Variants in SLC36A1 observed in about 807,000 individuals in gnomAD.
SLC36A1 encodes the protein solute carrier family 36 member 1.
A neutral mutation model predicts 47.5 loss-of-function variants in SLC36A1; 30 were observed. The observed-to-expected ratio is 0.63, with a 90% CI of 0.47 to 0.86. SLC36A1 has a LOEUF of 0.86. Ranked by LOEUF, SLC36A1 falls within the 40% of genes least tolerant of loss-of-function variation. The pLI, the probability that SLC36A1 is intolerant of heterozygous loss-of-function variation, is 0.00. For missense variants in SLC36A1, 517 were observed against 606.0 expected, an observed-to-expected ratio of 0.85 and a Z score of 1.54; for synonymous variants, 255 against 249.7, an observed-to-expected ratio of 1.02 and a Z score of -0.20.
At chr5:151,549,149 A>C in the SLC36A1 span, 1 of 675,370 alleles carries the variant, frequency 1.5e-6, no homozygotes, top group Non-Finnish European at 2.5e-6. Flanking sequence ...TAATTTAGGT[A>C]GTCCCAGGGA....
chr5:151,553,339 G>A, the SLC36A1 span: 4 of 1,614,266 alleles, frequency 2.5e-6, no homozygotes, highest in Non-Finnish European at 3.4e-6. Context: ...TCAATGTGTA[G>A]CCGGACACTG....
chr5:151,555,057 G>A, the SLC36A1 span, among the ~76,000 whole-genome samples: 1 of 152,318 alleles, frequency 6.6e-6, no homozygotes, highest in Non-Finnish European at 1.5e-5. Flanking sequence ...ATGTTGATGA[G>A]GGAATGAGTG....
At chr5:151,521,892 G>T in the SLC36A1 span, 1 of 1,613,980 alleles carries the variant, frequency 6.2e-7, no homozygotes, top group African/African-American at 1.3e-5. Flanking sequence ...CTTCTGCCAG[G>T]CTATAGGTCA....
At chr5:151,518,861 C>T in the SLC36A1 span, among the ~76,000 whole-genome samples, 1 of 152,194 alleles carries the variant, frequency 6.6e-6, no homozygotes, top group Non-Finnish European at 1.5e-5. Flanking sequence ...TATCCACCCT[C>T]CCCAGAAGTG....
the SLC36A1 span, chr5:151,531,459 G>T: frequency 7.8e-7 from 1 of 1,282,946 alleles, no homozygotes; most frequent in Non-Finnish European, 1.1e-6. This position sits in a 1 kb window ranked among gnomAD's most constrained non-coding sequence, Gnocchi z 5.7. Flanking sequence ...GAAGAGAATG[G>T]AGAAACGACC....
the SLC36A1 span, chr5:151,531,544 C>G: frequency 6.2e-7 from 1 of 1,608,206 alleles, no homozygotes; most frequent in Non-Finnish European, 8.5e-7. This position sits in a 1 kb window ranked among gnomAD's most constrained non-coding sequence, Gnocchi z 5.7. Context: ...CTCCCAGAAA[C>G]CCTGTACGCG....
the SLC36A1 span, among the ~76,000 whole-genome samples, chr5:151,373,950 A>G: frequency 1.3e-5 from 2 of 152,276 alleles, no homozygotes; most frequent in East Asian, 3.9e-4. Context: ...TAAAGCAGAG[A>G]CAAGCAAACT....
chr5:151,537,257 TAAG>T, the SLC36A1 span, among the ~76,000 whole-genome samples: 88 of 135,984 alleles, frequency 6.5e-4, no homozygotes, highest in Non-Finnish European at 8.9e-4. Flanking sequence ...AGGAGAATAA[TAAG>T]AAGACGATGG....
chr5:151,431,658 G>C, the SLC36A1 span, among the ~76,000 whole-genome samples: 948 of 152,244 alleles, frequency 6.2e-3, 14 homozygotes, highest in East Asian at 0.027. Flanking sequence ...TTTTAAAAAA[G>C]GGAGTCTCCC....
chr5:151,524,448 A>T, the SLC36A1 span, among the ~76,000 whole-genome samples: 1 of 152,210 alleles, frequency 6.6e-6, no homozygotes, highest in Admixed American at 6.5e-5. Flanking sequence ...ATGTGATACA[A>T]TGAGAAGCCG....
intron 2 of SLC36A1, among the ~76,000 whole-genome samples, chr5:151,461,214 A>G (rs357609): frequency 0.63 from 94,254 of 148,652 alleles, 31,548 homozygotes; most frequent in African/African-American, 0.86. Flanking sequence ...AGTCTTAAAC[A>G]CCTGGGCTCA....
intron 1 of SLC36A1, among the ~76,000 whole-genome samples, chr5:151,438,103 T>G (rs1345163448): frequency 2.0e-5 from 3 of 152,064 alleles, no homozygotes; most frequent in Non-Finnish European, 4.4e-5. Flanking sequence ...ATCAGCAAAG[T>G]CCCTTTTGCT....
At chr5:151,432,901 A>G (rs955932944), upstream of SLC36A1, among the ~76,000 whole-genome samples, 10 of 152,102 alleles carry the variant, frequency 6.6e-5, no homozygotes, top group Admixed American at 1.3e-4. Context: ...AGTCACTTCT[A>G]CATATAGAAT....
At chr5:151,419,179 T>C in the SLC36A1 span, among the ~76,000 whole-genome samples, 1 of 152,182 alleles carries the variant, frequency 6.6e-6, no homozygotes, top group African/African-American at 2.4e-5. Flanking sequence ...AATTATCCAG[T>C]CTTGGGCAGT....
At chr5:151,540,548 C>T in the SLC36A1 span, 1 of 1,598,574 alleles carries the variant, frequency 6.3e-7, no homozygotes, top group Middle Eastern at 1.8e-4. Context: ...ACCCACTCCA[C>T]CCCTCGCCAG....
At chr5:151,474,198 T>A (rs1362057046) in intron 8 of SLC36A1, among the ~76,000 whole-genome samples, 1 of 142,792 alleles carries the variant, frequency 7.0e-6, no homozygotes, top group East Asian at 2.1e-4. Flanking sequence ...CTTCTGTAAC[T>A]CACTGGTCAG....
the SLC36A1 span, among the ~76,000 whole-genome samples, chr5:151,349,216 C>T: frequency 6.6e-6 from 1 of 152,132 alleles, no homozygotes; most frequent in East Asian, 1.9e-4. Flanking sequence ...CCTTCCTCTC[C>T]AGGTTTTGAG....
the SLC36A1 span, among the ~76,000 whole-genome samples, chr5:151,345,935 A>T: frequency 6.6e-6 from 1 of 152,224 alleles, no homozygotes; most frequent in East Asian, 1.9e-4. Context: ...TATCATTGAC[A>T]GAGGAGAAAC....
At chr5:151,347,368 C>T in the SLC36A1 span, 3 of 1,614,236 alleles carry the variant, frequency 1.9e-6, no homozygotes, top group East Asian at 2.2e-5. Context: ...AGTCCTTGTT[C>T]TCCAACTTCT....
Sources: allele counts gnomAD v4.1 joint callset (sites outside exome capture counted in the v4.1 genomes callset), GRCh38; gene constraint gnomAD v4.1.1; non-coding constraint Gnocchi (gnomAD v3.1); transcripts MANE v1.5; gene names NCBI Gene and HGNC (gene_info 2026-07-23, HGNC 2026-07-21).